Variants in TP63 observed in about 807,000 individuals in gnomAD.
TP63 encodes the protein tumor protein 63.
A neutral mutation model predicts 82.8 loss-of-function variants in TP63; 17 were observed. The observed-to-expected ratio is 0.21, with a 90% CI of 0.14 to 0.31. TP63 has a LOEUF of 0.31. TP63 is among the 10% of genes least tolerant of loss of function. The pLI is 1.00. For synonymous variants in TP63, 330 were observed against 321.7 expected (o/e 1.03, Z -0.28); for missense variants, 648 against 895.3 (o/e 0.72, Z 3.52).
chr3:189,804,830 A>G (rs1726713451), intron 3 of TP63, among the ~76,000 whole-genome samples: 1 of 152,224 alleles, frequency 6.6e-6, no homozygotes. Context: ...ACAACGGAGT[A>G]TACTACTTGG....
chr3:189,861,153 C>T (rs1401404817), intron 4 of TP63, among the ~76,000 whole-genome samples: 2 of 152,106 alleles, frequency 1.3e-5, no homozygotes, highest in Non-Finnish European at 1.5e-5. Flanking sequence ...CTGCCTGCCT[C>T]GGCCTCCCAA....
At chr3:189,890,174 A>AT (rs1180993269) in intron 12 of TP63, among the ~76,000 whole-genome samples, 1 of 152,008 alleles carries the variant, frequency 6.6e-6, no homozygotes, top group Non-Finnish European at 1.5e-5. Flanking sequence ...ATTTGTGTTG[A>AT]TTTTCCTGCT....
chr3:189,807,560 C>T (rs1727046953), intron 3 of TP63, among the ~76,000 whole-genome samples: 1 of 152,072 alleles, frequency 6.6e-6, no homozygotes, highest in African/African-American at 2.4e-5. Flanking sequence ...TACAAATGTT[C>T]TACTCTAGAA....
chr3:189,868,963 A>G (rs1319203980), intron 8 of TP63, among the ~76,000 whole-genome samples: 1 of 152,204 alleles, frequency 6.6e-6, no homozygotes, highest in African/African-American at 2.4e-5. Flanking sequence ...TGTGACTTCC[A>G]CACCAGTAGC....
At chr3:189,870,968 G>A (rs1408692986) in intron 9 of TP63, among the ~76,000 whole-genome samples, 1 of 152,208 alleles carries the variant, frequency 6.6e-6, no homozygotes, top group African/African-American at 2.4e-5. Context: ...CCAATCAGAC[G>A]GTGAGTTAGC....
At chr3:189,751,160 T>C (rs1392605061) in intron 3 of TP63, among the ~76,000 whole-genome samples, 1 of 152,234 alleles carries the variant, frequency 6.6e-6, no homozygotes, top group African/African-American at 2.4e-5. Flanking sequence ...TATCCTTTTT[T>C]ATGGCTGCAT....
chr3:189,767,293 A>T (rs1723025775), intron 3 of TP63, among the ~76,000 whole-genome samples: 1 of 152,120 alleles, frequency 6.6e-6, no homozygotes. Context: ...AAAGAAAAAA[A>T]AACATGAACA....
At chr3:189,866,837 T>C (rs367961596) in intron 6 of TP63, 40 bp downstream of exon 6, 14 of 1,511,896 alleles carry the variant, frequency 9.3e-6, no homozygotes, top group Non-Finnish European at 1.3e-5. Context: ...AACACCTCTA[T>C]GGACTGAGTA....
At chr3:189,638,428 G>A (rs1404508293) in intron 1 of TP63, among the ~76,000 whole-genome samples, 1 of 152,102 alleles carries the variant, frequency 6.6e-6, no homozygotes, top group East Asian at 1.9e-4. Context: ...GGACAAGCTA[G>A]CCCGGGGACT....
chr3:189,891,503 A>C (rs1721013473), intron 13 of TP63, among the ~76,000 whole-genome samples: 1 of 152,168 alleles, frequency 6.6e-6, no homozygotes, highest in Non-Finnish European at 1.5e-5. Context: ...ATTTCTAATC[A>C]TTGGGCATTA....
chr3:189,788,773 A>G (rs1219991114), intron 3 of TP63, among the ~76,000 whole-genome samples: 1 of 152,114 alleles, frequency 6.6e-6, no homozygotes. Context: ...TTAAAACAAA[A>G]GCCAATTGAT....
At chr3:189,829,440 T>TG (rs1465061307) in intron 4 of TP63, among the ~76,000 whole-genome samples, 1 of 152,218 alleles carries the variant, frequency 6.6e-6, no homozygotes, top group African/African-American at 2.4e-5. Context: ...TTTCCCTATA[T>TG]GTCTACTGGA....
intron 4 of TP63, among the ~76,000 whole-genome samples, chr3:189,819,759 T>TA (rs1417479068): frequency 9.4e-6 from 1 of 106,772 alleles, no homozygotes; most frequent in African/African-American, 2.9e-5. Flanking sequence ...TTTTTTTTTT[T>TA]TTTTTTTTTT....
chr3:189,793,780 AT>A (rs1454615604), intron 3 of TP63, among the ~76,000 whole-genome samples: 6 of 152,132 alleles, frequency 3.9e-5, no homozygotes, highest in Non-Finnish European at 5.9e-5. Flanking sequence ...GATTTCCATA[AT>A]TTATAAGTTT....
chr3:189,890,730 C>T, intron 12 of TP63, 59 bp from the exon 13 acceptor site: 1 of 1,510,824 alleles, frequency 6.6e-7, no homozygotes, highest in South Asian at 1.1e-5. Context: ...CTCGCCAATG[C>T]AGTTGGGGTG....
At chr3:189,703,176 G>A (rs1054798851) in intron 1 of TP63, among the ~76,000 whole-genome samples, 4 of 152,204 alleles carry the variant, frequency 2.6e-5, no homozygotes, top group Non-Finnish European at 4.4e-5. Context: ...TCTCACGCCT[G>A]TAATCCCAGC....
the TP63 span, among the ~76,000 whole-genome samples, chr3:189,617,756 G>A: frequency 5.9e-5 from 9 of 152,188 alleles, no homozygotes; most frequent in Non-Finnish European, 1.2e-4. Context: ...TTCTGACTCT[G>A]ATAGTTCTTA....
intron 11 of TP63, among the ~76,000 whole-genome samples, chr3:189,886,903 G>A (rs923201983): frequency 1.3e-5 from 2 of 152,050 alleles, no homozygotes; most frequent in Non-Finnish European, 2.9e-5. Flanking sequence ...GCATGTTGCA[G>A]TGAACTTAAA....
At chr3:189,699,807 AAAG>A (rs1194465672) in intron 1 of TP63, among the ~76,000 whole-genome samples, 13 of 152,312 alleles carry the variant, frequency 8.5e-5, no homozygotes, top group African/African-American at 3.1e-4. Flanking sequence ...TCAAAGAAAA[AAAG>A]GAAAAGAAAC....
Sources: allele counts gnomAD v4.1 joint callset (sites outside exome capture counted in the v4.1 genomes callset), GRCh38; gene constraint gnomAD v4.1.1; transcripts MANE v1.5; gene names NCBI Gene and HGNC (gene_info 2026-07-23, HGNC 2026-07-21).